Variants in FGD4 observed in about 807,000 individuals in gnomAD.
FGD4 encodes the protein FYVE, RhoGEF and PH domain containing 4.
A neutral mutation model predicts 102.0 loss-of-function variants in FGD4; 42 were observed. The ratio of observed to expected loss-of-function variants is 0.41; its 90% CI spans 0.32 to 0.53. The LOEUF (loss-of-function observed/expected upper bound fraction) is 0.53, where lower values mean the gene tolerates loss of function less well. FGD4 is among the 20% of genes least tolerant of loss of function. FGD4 has a pLI of 0.21. For missense variants in FGD4, 902 were observed against 1,078.2 expected (o/e 0.84, Z 2.29); for synonymous variants, 380 against 375.7 (o/e 1.01, Z -0.13).
chr12:32,532,137 A>G (rs1309271511), intron 1 of FGD4, among the ~76,000 whole-genome samples: 1 of 152,194 alleles, frequency 6.6e-6, no homozygotes, highest in Non-Finnish European at 1.5e-5. Context: ...ATCCATAGCT[A>G]TGATAAAGTT....
At chr12:32,595,017 C>A (rs1416354531) in intron 4 of FGD4, among the ~76,000 whole-genome samples, 1 of 134,180 alleles carries the variant, frequency 7.5e-6, no homozygotes, top group Non-Finnish European at 1.5e-5. Flanking sequence ...GGTGACAGAG[C>A]GAGACTCCGT....
chr12:32,473,246 C>G (rs1418691155), intron 1 of FGD4, among the ~76,000 whole-genome samples: 1 of 152,012 alleles, frequency 6.6e-6, no homozygotes, highest in African/African-American at 2.4e-5. Flanking sequence ...CATTGGCAAC[C>G]TGCTCGTGTC....
chr12:32,561,070 G>GTTTGTTTTT, intron 1 of FGD4, among the ~76,000 whole-genome samples: 1 of 90,814 alleles, frequency 1.1e-5, no homozygotes, highest in South Asian at 4.1e-4. Flanking sequence ...TCTTTGTTGG[G>GTTTGTTTTT]TTTTGTTTTT....
chr12:32,410,585 G>A (rs1306514610), intron 1 of FGD4, among the ~76,000 whole-genome samples: 1 of 152,208 alleles, frequency 6.6e-6, no homozygotes, highest in Non-Finnish European at 1.5e-5. Context: ...ATTAGCACCA[G>A]CAAGTGTTCT....
chr12:32,575,174 A>G (rs1025268356), intron 2 of FGD4, among the ~76,000 whole-genome samples: 2 of 152,198 alleles, frequency 1.3e-5, no homozygotes, highest in Non-Finnish European at 2.9e-5. Flanking sequence ...ATATTGATGC[A>G]GGCCAACCAT....
intron 7 of FGD4, among the ~76,000 whole-genome samples, chr12:32,605,805 G>C (rs567272230): frequency 6.6e-6 from 1 of 152,200 alleles, no homozygotes; most frequent in Non-Finnish European, 1.5e-5. Flanking sequence ...TTCTCTGTAT[G>C]TGTTCATTTG....
intron 2 of FGD4, among the ~76,000 whole-genome samples, chr12:32,566,831 C>T (rs573149370): frequency 2.7e-4 from 41 of 152,298 alleles, no homozygotes; most frequent in African/African-American, 9.6e-4. Flanking sequence ...TCCTGCCTCA[C>T]TGCAAATCCC....
In FGD4 at chr12:32,590,365, T is replaced by TTCTC. The variant is rs548103001; in HGVS notation, c.1011+7912_1011+7915dup. ...GATATATGCATATCATAAGTGGGTG[T>TTCTC]TCTCTCTCTCTCTCTCTTTTTAATA... is the stretch of plus-strand genomic sequence containing the variant. On this transcript the variant is annotated intron_variant, in intron 4 of 16. Coordinates refer to ENST00000534526, the MANE Select transcript of FGD4 (RefSeq NM_001370298.3). Among the ~76,000 whole-genome samples, 533 of 149,874 alleles carry TTCTC rather than the reference T, an allele frequency of 3.6e-3. 2 individuals carry two copies. The highest frequency in any genetic ancestry group is 0.012 in the African/African-American group (500 of 40,892).
chr12:32,627,818 A>C (rs1950268441), intron 14 of FGD4, among the ~76,000 whole-genome samples: 1 of 152,220 alleles, frequency 6.6e-6, no homozygotes, highest in Admixed American at 6.5e-5. Flanking sequence ...GAATAAGAGA[A>C]GTCTCAATTG....
At chr12:32,514,396 G>T (rs10506092) in intron 1 of FGD4, among the ~76,000 whole-genome samples, 6,189 of 152,206 alleles carry the variant, frequency 0.041, 144 homozygotes, top group Middle Eastern at 0.14. Flanking sequence ...CCTCAGCCAC[G>T]TTAGTCTTCT....
intron 1 of FGD4, among the ~76,000 whole-genome samples, chr12:32,552,480 C>T (rs1382584863): frequency 7.2e-6 from 1 of 139,566 alleles, no homozygotes; most frequent in East Asian, 2.2e-4. Context: ...CAATGTTTCA[C>T]CATGTTGGCT....
intron 1 of FGD4, among the ~76,000 whole-genome samples, chr12:32,532,974 A>G (rs1223046590): frequency 6.6e-6 from 1 of 152,142 alleles, no homozygotes; most frequent in Non-Finnish European, 1.5e-5. Context: ...CCTGATGGGG[A>G]GCTTGTGTTG....
intron 1 of FGD4, among the ~76,000 whole-genome samples, chr12:32,504,080 G>A (rs189924753): frequency 1.3e-5 from 2 of 152,282 alleles, no homozygotes; most frequent in African/African-American, 2.4e-5. Context: ...GGATGTTAAT[G>A]TTAGACCCAG....
At chr12:32,598,237 T>C (rs1948068867) in intron 4 of FGD4, among the ~76,000 whole-genome samples, 1 of 152,160 alleles carries the variant, frequency 6.6e-6, no homozygotes, top group African/African-American at 2.4e-5. Context: ...CTGAAAAAGA[T>C]AGATTTCCAG....
rs1212245863 is a variant in FGD4, at chr12:32,642,301, G to T, written c.*1768G>T. On this transcript the variant is annotated 3_prime_UTR_variant, in exon 17 of 17. Transcript: ENST00000534526. ...CTTCTCTTTTTTAATGGCCAGCGGG[G>T]TATGTGTGTGATGTATACTCAGAGT... 3 of 152,090 alleles carry T rather than the reference G, an allele frequency of 2.0e-5. No homozygotes were observed. The highest frequency in any genetic ancestry group is 7.2e-5 in the African/African-American group (3 of 41,428). 9.4% of individuals were successfully genotyped at this position (152,090 alleles called of 1,614,324 possible).
intron 1 of FGD4, among the ~76,000 whole-genome samples, chr12:32,403,079 A>G (rs535371694): frequency 6.6e-6 from 1 of 152,206 alleles, no homozygotes; most frequent in South Asian, 2.1e-4. Context: ...TAAACGCATT[A>G]CAAAGTAGGC....
intron 1 of FGD4, among the ~76,000 whole-genome samples, chr12:32,555,707 G>C (rs1944051400): frequency 2.0e-5 from 3 of 151,720 alleles, no homozygotes; most frequent in Admixed American, 2.0e-4. Flanking sequence ...GAGTAGCTGG[G>C]ACCACAGGCG....
intron 1 of FGD4, among the ~76,000 whole-genome samples, chr12:32,449,843 ATCT>A (rs1332029797): frequency 6.6e-6 from 1 of 152,032 alleles, no homozygotes; most frequent in Non-Finnish European, 1.5e-5. Context: ...GGCTCAAGGG[ATCT>A]TCTCACTTTA....
intron 2 of FGD4, among the ~76,000 whole-genome samples, chr12:32,575,786 A>G (rs1479808744): frequency 6.6e-6 from 1 of 152,326 alleles, no homozygotes; most frequent in East Asian, 1.9e-4. Context: ...ACATTGTATT[A>G]CTGTTGTTTG....
Sources: allele counts gnomAD v4.1 joint callset (sites outside exome capture counted in the v4.1 genomes callset), GRCh38; gene constraint gnomAD v4.1.1; transcripts MANE v1.5; gene names NCBI Gene and HGNC (gene_info 2026-07-23, HGNC 2026-07-21).